BRCA2: variants seen among roughly 807,000 people sequenced by gnomAD.
BRCA2 encodes the protein BRCA2 DNA repair associated.
A neutral mutation model predicts 276.7 loss-of-function variants in BRCA2; 203 were observed. That is an observed-to-expected ratio of 0.73 (90% CI 0.65 to 0.82). The LOEUF is 0.82. Among genes scored for constraint, BRCA2 ranks in the 40% least tolerant of loss-of-function variants. The pLI is 0.00. For missense variants in BRCA2, 3,920 were observed against 3,915.0 expected (o/e 1.00, Z -0.03); for synonymous variants, 1,289 against 1,338.4 (o/e 0.96, Z 0.81).
intron 14 of BRCA2, 46 bp downstream of exon 14, chr13:32,355,334 A>G (rs1485148327): frequency 3.7e-6 from 6 of 1,601,064 alleles, no homozygotes; most frequent in Non-Finnish European, 5.1e-6. Context: ...TTTCAGTTAG[A>G]TATTTCCGTT....
rs142243359 is a variant in BRCA2, at chr13:32,336,629, T to G, written c.2274T>G (p.Ser758Arg). 33 of 1,613,986 alleles carry G rather than the reference T, an allele frequency of 2.0e-5. No individual in the cohort carries two copies. In the African/African-American group the frequency reaches 3.6e-4, roughly 18 times the overall value. Reference protein sequence around the residue: ...YSDTDFQSQKSLLYDHENAST... With the variant: ...YSDTDFQSQKRLLYDHENAST... The stretch of plus-strand genomic sequence containing the variant: ...ATACTGACTTTCAATCCCAGAAAAG[T>G]CTTTTATATGATCATGAAAATGCCA... The change falls in exon 11 of 27, where the codon AGT becomes AGG. Residue 758 changes from serine to arginine, a missense_variant. By Grantham distance (110) the Ser-to-Arg change is moderately radical. Coordinates refer to ENST00000380152, the MANE Select transcript of BRCA2 (RefSeq NM_000059.4).
chr13:32,332,242 T>G (rs2072396822), intron 9 of BRCA2, 30 bp from the exon 10 acceptor site: 1 of 1,546,126 alleles, frequency 6.5e-7, no homozygotes, highest in Non-Finnish European at 8.9e-7. Context: ...TTATAAAATA[T>G]TAATGTGCTT....
chr13:32,383,301 A>C (rs1030475963), intron 24 of BRCA2, among the ~76,000 whole-genome samples: 1 of 152,158 alleles, frequency 6.6e-6, no homozygotes, highest in Non-Finnish European at 1.5e-5. Context: ...TGGAGCTTGC[A>C]GTGAGCTGAG....
intron 18 of BRCA2, among the ~76,000 whole-genome samples, chr13:32,365,249 G>A (rs777090473): frequency 1.3e-5 from 2 of 149,746 alleles, no homozygotes; most frequent in African/African-American, 2.5e-5. Flanking sequence ...CGGTCCTCAC[G>A]CTTTAGCCTC....
rs1593885822 is a variant in BRCA2 at position 32,325,059 on chromosome 13, T to A, written c.317-17T>A. 6.7e-7 allele frequency: 1 copy of A among 1,498,532 alleles called. No homozygotes were observed. Among genetic ancestry groups the A allele is most frequent in the East Asian group, 2.3e-5 (1 of 44,254 alleles). 92.8% of individuals were successfully genotyped at this position (1,498,532 alleles called of 1,614,324 possible). On this transcript the variant is annotated splice_polypyrimidine_tract_variant and intron_variant, in intron 3 of 26. Transcript: ENST00000380152. ...CCAGAGTATATACATTCTCACTGAA[T>A]TATTGTACTGTTTCAGGAAGGAATG...
rs80359406 is a variant in BRCA2 at position 32,338,208 on chromosome 13, G to GA, written c.3860dup (p.Asn1287LysfsTer2). 2 of 1,543,898 alleles carry GA rather than the reference G, an allele frequency of 1.3e-6. No homozygotes were observed. On this transcript the variant is annotated frameshift_variant, in exon 11 of 27. Coordinates refer to ENST00000380152, the MANE Select transcript of BRCA2 (RefSeq NM_000059.4). LOFTEE classifies it high-confidence loss of function. ...AAATCATAATGATAAAACTGTAAGT[G>GA]AAAAAAATAATAAATGCCAACTGAT... is the stretch of plus-strand genomic sequence containing the variant.
intron 13 of BRCA2, among the ~76,000 whole-genome samples, chr13:32,351,436 A>G (rs888064111): frequency 6.6e-5 from 10 of 152,200 alleles, no homozygotes; most frequent in Admixed American, 1.3e-4. Flanking sequence ...CTCGGGACAC[A>G]CTATCTTTAA....
At chr13:32,316,035 C>G (rs762004581) in intron 1 of BRCA2, among the ~76,000 whole-genome samples, 2 of 152,186 alleles carry the variant, frequency 1.3e-5, no homozygotes, top group African/African-American at 2.4e-5. Context: ...CTGCTGGGCA[C>G]GCTGTATTTG....
In BRCA2 at chr13:32,379,849, G is replaced by C. The variant is rs398122720; in HGVS notation, c.9053G>C (p.Ser3018Thr). The change falls in exon 23 of 27, where the codon AGT becomes ACT. Residue 3018 changes from serine (S) to threonine (T), a missense_variant. Ser to Thr is a moderately conservative substitution (Grantham distance 58). Coordinates refer to ENST00000380152, the MANE Select transcript of BRCA2 (RefSeq NM_000059.4). ...CATCTTGCAACTTCAAAATCTAAAA[G>C]TAAATCTGAAAGAGCTAACATACAG... Reference protein sequence around the residue: ...IYHLATSKSKSKSERANIQLA... With the variant: ...IYHLATSKSKTKSERANIQLA... 1 of 1,613,660 alleles carries C rather than the reference G, an allele frequency of 6.2e-7. No individual in the cohort carries two copies. Among genetic ancestry groups the C allele is most frequent in the Admixed American group, 1.7e-5 (1 of 59,988 alleles).
intron 16 of BRCA2, among the ~76,000 whole-genome samples, chr13:32,361,120 G>A (rs937715479): frequency 6.6e-5 from 10 of 152,120 alleles, no homozygotes; most frequent in East Asian, 1.9e-4. Context: ...ACAAGTCATC[G>A]GCATATAGAT....
chr13:32,372,653 G>A (rs2072842362), intron 20 of BRCA2, among the ~76,000 whole-genome samples: 1 of 152,076 alleles, frequency 6.6e-6, no homozygotes, highest in Non-Finnish European at 1.5e-5. Context: ...GATGAGATTT[G>A]GGTAGGGACA....
intron 25 of BRCA2, 55 bp from the exon 26 acceptor site, chr13:32,396,843 A>G: frequency 6.2e-7 from 1 of 1,601,552 alleles, no homozygotes; most frequent in Non-Finnish European, 8.6e-7. Flanking sequence ...ACTTTTGGAA[A>G]CATAAATATG....
intron 24 of BRCA2, among the ~76,000 whole-genome samples, chr13:32,382,168 G>A (rs1162471743): frequency 6.6e-6 from 1 of 152,062 alleles, no homozygotes; most frequent in Non-Finnish European, 1.5e-5. Flanking sequence ...TAGCCAGAAT[G>A]GTCTCGATCT....
At chr13:32,377,012 TATTA>T (rs776411295) in intron 21 of BRCA2, among the ~76,000 whole-genome samples, 8 of 152,216 alleles carry the variant, frequency 5.3e-5, no homozygotes, top group East Asian at 3.8e-4. Flanking sequence ...GAATTTTATA[TATTA>T]ATTAAATTTG....
rs397507902 is a variant in BRCA2 at position 32,319,080 on chromosome 13, T to C, written c.71T>C (p.Leu24Ser). The C allele has an allele frequency of 6.2e-7, 1 of 1,613,016 alleles. No homozygotes were observed. Among genetic ancestry groups the C allele is most frequent in the African/African-American group, 1.3e-5 (1 of 74,978 alleles). Residue 24 changes from leucine to serine, a missense_variant, in exon 3 of 27, where the codon TTA becomes TCA. Coordinates refer to ENST00000380152, the MANE Select transcript of BRCA2 (RefSeq NM_000059.4). ...IFKTRCNKADLGPISLNWFEE... is the reference protein window; with the variant it reads ...IFKTRCNKADSGPISLNWFEE... Reference sequence around the variant, plus strand: ...GTGGGATTTTTTTTTTAAATAGATTTAGGACCAATAAGTCTTAATTGGTTT... The same window carrying C: ...GTGGGATTTTTTTTTTAAATAGATTCAGGACCAATAAGTCTTAATTGGTTT...
chr13:32,340,554 T>G lies in BRCA2; in HGVS notation c.6199T>G (p.Ser2067Ala), dbSNP rs143806921. 1 of 1,612,856 alleles carries G rather than the reference T, an allele frequency of 6.2e-7. No homozygotes were observed. The highest frequency in any genetic ancestry group is 8.5e-7 in the Non-Finnish European group (1 of 1,179,344). The part of the protein sequence containing the change: ...GFSTASGKQV[S>A]ILESSLHKVK... Reference sequence around the variant, plus strand: ...TAGTACAGCAAGTGGAAAGCAAGTTTCCATTTTAGAAAGTTCCTTACACAA... The same window carrying G: ...TAGTACAGCAAGTGGAAAGCAAGTTGCCATTTTAGAAAGTTCCTTACACAA... The change falls in exon 11 of 27, where the codon TCC becomes GCC. Residue 2067 changes from serine to alanine, a missense_variant. This residue lies in a region of BRCA2 where 3,263 missense variants were observed against 3,156.9 expected (regional missense o/e 1.03). Transcript: ENST00000380152.
At position 32,379,298 on chromosome 13, in the gene BRCA2, A is replaced by T. The variant is rs398122713; in HGVS notation, c.8755-19A>T. ...TTTGTTCTGATTGCTTTTTATTCCA[A>T]TATCTTAAATGGTCACAGGGTTATT... On this transcript the variant is annotated intron_variant, in intron 21 of 26. Transcript: ENST00000380152. 1 of 1,612,900 alleles carries T rather than the reference A, an allele frequency of 6.2e-7. No homozygotes were observed. Among genetic ancestry groups the T allele is most frequent in the Admixed American group, 1.7e-5 (1 of 59,980 alleles).
chr13:32,347,525 TGCCAGGA>T (rs1184370488), intron 13 of BRCA2, among the ~76,000 whole-genome samples: 2 of 152,216 alleles, frequency 1.3e-5, no homozygotes, highest in Admixed American at 1.3e-4. Context: ...ATCCTTCTTC[TGCCAGGA>T]AATCAGAAGG....
intron 24 of BRCA2, among the ~76,000 whole-genome samples, chr13:32,383,234 C>T (rs1158408976): frequency 1.4e-5 from 2 of 144,690 alleles, no homozygotes; most frequent in Admixed American, 6.9e-5. Flanking sequence ...GTGGCGGGCG[C>T]CTGCAGTCTC....
Sources: gnomAD v4.1 joint callset for allele counts (sites outside exome capture counted in the v4.1 genomes callset) on GRCh38, gnomAD v4.1.1 for gene constraint, gnomAD v4.1.1 regional missense constraint, MANE v1.5 for transcripts, NCBI Gene and HGNC (gene_info 2026-07-23, HGNC 2026-07-21) for gene names.